The following DSCAM variants were observed in gnomAD, a reference collection of about 807,000 sequenced individuals.
The protein encoded by DSCAM is cell adhesion molecule DSCAM.
DSCAM carries 47 observed loss-of-function variants against 217.7 expected under a neutral mutation model. That is an observed-to-expected ratio of 0.22 (90% CI 0.17 to 0.28). The LOEUF is 0.28. Among genes scored for constraint, DSCAM ranks in the 10% least tolerant of loss-of-function variants. DSCAM has a pLI of 1.00. For missense variants in DSCAM, 2,080 were observed against 2,618.3 expected (o/e 0.79, Z 4.49); for synonymous variants, 1,056 against 1,015.3 (o/e 1.04, Z -0.76).
chr21:40,106,524 G>T (rs1270661558), intron 20 of DSCAM, among the ~76,000 whole-genome samples: 1 of 152,026 alleles, frequency 6.6e-6, no homozygotes, highest in African/African-American at 2.4e-5. Context: ...TAGATTTTTT[G>T]GAATAGTTTC....
chr21:40,764,671 T>C (rs987988888), intron 1 of DSCAM, among the ~76,000 whole-genome samples: 1 of 152,176 alleles, frequency 6.6e-6, no homozygotes, highest in Non-Finnish European at 1.5e-5. Context: ...TGCTGCATTA[T>C]TTACAATAGC....
At chr21:40,015,415 C>CTT (rs1491369175) in intron 32 of DSCAM, among the ~76,000 whole-genome samples, 2 of 58,002 alleles carry the variant, frequency 3.4e-5, no homozygotes, top group African/African-American at 1.1e-4. Flanking sequence ...TATCTCTTGA[C>CTT]TCTTTTTTTT....
At chr21:40,818,706 A>G (rs962362909) in intron 1 of DSCAM, among the ~76,000 whole-genome samples, 1 of 152,104 alleles carries the variant, frequency 6.6e-6, no homozygotes, top group Admixed American at 6.5e-5. Flanking sequence ...CCAACCCTCC[A>G]TGGACACTGA....
chr21:40,200,904 C>T (rs1444979623), intron 11 of DSCAM, among the ~76,000 whole-genome samples: 1 of 152,206 alleles, frequency 6.6e-6, no homozygotes, highest in East Asian at 1.9e-4. Flanking sequence ...TTTCTCCTGT[C>T]CAAATACTTA....
intron 3 of DSCAM, among the ~76,000 whole-genome samples, chr21:40,577,698 G>A (rs2076865002): frequency 1.3e-5 from 2 of 152,170 alleles, no homozygotes; most frequent in African/African-American, 4.8e-5. Flanking sequence ...TTTAGAAAGG[G>A]GAGGGGGGTC....
intron 3 of DSCAM, among the ~76,000 whole-genome samples, chr21:40,473,162 G>T (rs938600125): frequency 6.6e-6 from 1 of 152,202 alleles, no homozygotes; most frequent in Non-Finnish European, 1.5e-5. Context: ...TGCCAGCTAC[G>T]GCTAGGTAAC....
intron 3 of DSCAM, among the ~76,000 whole-genome samples, chr21:40,542,362 T>A (rs2076548963): frequency 6.6e-6 from 1 of 152,198 alleles, no homozygotes; most frequent in Non-Finnish European, 1.5e-5. Flanking sequence ...TTGTGGAAGT[T>A]AGATTAATGG....
chr21:40,423,685 G>T (rs1346735082), intron 3 of DSCAM, among the ~76,000 whole-genome samples: 1 of 151,950 alleles, frequency 6.6e-6, no homozygotes, highest in African/African-American at 2.4e-5. Flanking sequence ...ATACCCCTTG[G>T]TCGAATTCTT....
At chr21:40,241,363 T>C (rs1246726272) in intron 11 of DSCAM, among the ~76,000 whole-genome samples, 1 of 152,050 alleles carries the variant, frequency 6.6e-6, no homozygotes, top group Non-Finnish European at 1.5e-5. Flanking sequence ...AAGACAAACA[T>C]GTAGCCAACA....
intron 20 of DSCAM, among the ~76,000 whole-genome samples, chr21:40,120,999 A>G (rs2090026879): frequency 6.6e-6 from 1 of 152,196 alleles, no homozygotes; most frequent in African/African-American, 2.4e-5. Flanking sequence ...ACTCTTATAA[A>G]AGGGACCAAA....
intron 2 of DSCAM, among the ~76,000 whole-genome samples, chr21:40,706,860 C>A (rs531567658): frequency 1.6e-4 from 25 of 152,186 alleles, no homozygotes; most frequent in Non-Finnish European, 2.9e-4. Context: ...GACTGCCCAT[C>A]TTATATGTTC....
At chr21:40,123,453 T>A (rs531293477) in intron 20 of DSCAM, among the ~76,000 whole-genome samples, 29 of 152,312 alleles carry the variant, frequency 1.9e-4, no homozygotes, top group African/African-American at 6.7e-4. Context: ...AATGTTTCCA[T>A]GAAGACATCG....
intron 11 of DSCAM, among the ~76,000 whole-genome samples, chr21:40,252,953 C>T (rs539162344): frequency 7.2e-5 from 11 of 152,196 alleles, no homozygotes; most frequent in African/African-American, 2.2e-4. Flanking sequence ...GGGCTGAGAA[C>T]GTATCACTCA....
chr21:40,328,517 A>C (rs532626566), intron 8 of DSCAM, among the ~76,000 whole-genome samples: 1 of 152,224 alleles, frequency 6.6e-6, no homozygotes, highest in South Asian at 2.1e-4. Flanking sequence ...GGAAGGGCCT[A>C]AACTATGACA....
At chr21:40,709,085 A>G (rs2090749225) in intron 1 of DSCAM, among the ~76,000 whole-genome samples, 1 of 152,180 alleles carries the variant, frequency 6.6e-6, no homozygotes, top group South Asian at 2.1e-4. Flanking sequence ...TGGACTGTAT[A>G]TATTTTATAT....
intron 32 of DSCAM, among the ~76,000 whole-genome samples, chr21:40,036,824 A>G (rs1418723557): frequency 2.7e-5 from 4 of 148,768 alleles, no homozygotes; most frequent in Admixed American, 1.3e-4. Context: ...CACCATGATC[A>G]AGTGGGCTTC....
At chr21:40,761,709 T>C (rs761876752) in intron 1 of DSCAM, among the ~76,000 whole-genome samples, 2 of 152,198 alleles carry the variant, frequency 1.3e-5, no homozygotes, top group Non-Finnish European at 2.9e-5. Flanking sequence ...GAGAGTGCCC[T>C]GGTACGTTTA....
At chr21:40,542,119 T>C (rs1285230786) in intron 3 of DSCAM, among the ~76,000 whole-genome samples, 1 of 152,218 alleles carries the variant, frequency 6.6e-6, no homozygotes, top group Non-Finnish European at 1.5e-5. Context: ...TCATTGAGAC[T>C]ATCTGCCTAC....
intron 20 of DSCAM, among the ~76,000 whole-genome samples, chr21:40,110,747 C>A (rs1024740964): frequency 6.6e-6 from 1 of 152,186 alleles, no homozygotes; most frequent in Non-Finnish European, 1.5e-5. Flanking sequence ...AAAACCACAG[C>A]ATGAGAACTA....
Sources: gnomAD v4.1 joint callset for allele counts (sites outside exome capture counted in the v4.1 genomes callset) on GRCh38, gnomAD v4.1.1 for gene constraint, MANE v1.5 for transcripts, NCBI Gene and HGNC (gene_info 2026-07-23, HGNC 2026-07-21) for gene names.